The following NXF3 variants were observed in gnomAD, a reference collection of about 807,000 sequenced individuals.
NXF3 encodes TAP-like protein 3.
Under a neutral mutation model 48.4 loss-of-function variants are expected in NXF3, and 34 were observed. That is an observed-to-expected ratio of 0.70 (90% CI 0.53 to 0.93). NXF3 has a LOEUF of 0.93. NXF3 is among the 40% of genes least tolerant of loss of function. The probability of loss-of-function intolerance (pLI) is 0.00; values close to 1 mark genes in which losing one functional copy is unlikely to be tolerated. For synonymous variants in NXF3, 132 were observed against 145.7 expected, an observed-to-expected ratio of 0.91 and a Z score of 0.68; for missense variants, 359 against 406.1, an observed-to-expected ratio of 0.88 and a Z score of 1.00.
chrX:103,077,705 CTGGTATCCCGCACAAAGAGCT>C lies in NXF3; in HGVS notation c.1472_1492del (p.Lys491_Thr497del). ...CAAGGCACTCTGGGTCCCTTGGTGG[CTGGTATCCCGCACAAAGAGCT>C]TGTCATTCACGATGCACAGACTGGA... On this transcript the variant is annotated inframe_deletion, in exon 18 of 20. Coordinates refer to ENST00000395065, the MANE Select transcript of NXF3 (RefSeq NM_022052.2). 1 of 1,211,150 alleles carries C rather than the reference CTGGTATCCCGCACAAAGAGCT, an allele frequency of 8.3e-7. No homozygotes were observed. The highest frequency in any genetic ancestry group is 1.1e-6 in the Non-Finnish European group (1 of 895,067).
At chrX:103,088,638 A>G in intron 1 of NXF3, 2 of 948,656 alleles carry the variant, frequency 2.1e-6, no homozygotes, top group South Asian at 4.5e-5. Context: ...CTCTGTGACA[A>G]ATGTGAGAAG....
At chrX:103,088,263 A>C (rs1404907324) in intron 1 of NXF3, 2 of 605,530 alleles carry the variant, frequency 3.3e-6, no homozygotes, top group Non-Finnish European at 5.2e-6. Flanking sequence ...GATCCTAGAA[A>C]AAAGTATTTA....
Position 103,083,432 on chromosome X carries a change from A to G in NXF3, c.506T>C (p.Val169Ala). 1 of 1,210,697 alleles carries G rather than the reference A, an allele frequency of 8.3e-7. No individual in the cohort carries two copies. Among genetic ancestry groups the G allele is most frequent in the Non-Finnish European group, 1.1e-6 (1 of 894,590 alleles). The change falls in exon 5 of 20, where the codon GTC becomes GCC. Residue 169 changes from valine (V) to alanine (A), a missense_variant. Val to Ala is a moderately conservative substitution (Grantham distance 64). Transcript: ENST00000395065. Reference protein sequence around the residue: ...NASIAYALKNVSGKIWDEDNE... With the variant: ...NASIAYALKNASGKIWDEDNE... The stretch of plus-strand genomic sequence containing the variant: ...ATCCTCATCCCAAATCTTGCCACTG[A>G]CATTCTTCAGTGCATAGGCGATGCT...
chrX:103,082,682 G>A, intron 8 of NXF3, 78 bp downstream of exon 8: 1 of 829,237 alleles, frequency 1.2e-6, no homozygotes, highest in Non-Finnish European at 1.8e-6. Flanking sequence ...CCCAACAGGG[G>A]ATATCTTAGA....
chrX:103,092,569 T>A (rs1395496947), intron 1 of NXF3, among the ~76,000 whole-genome samples: 1 of 112,488 alleles, frequency 8.9e-6, no homozygotes, highest in African/African-American at 3.2e-5. Flanking sequence ...GCATGAGTAA[T>A]AAGTTTGCTT....
At chrX:103,079,069 G>C (rs1465575959) in intron 16 of NXF3, 152 bp downstream of exon 16, 20 of 607,397 alleles carry the variant, frequency 3.3e-5, no homozygotes, top group Non-Finnish European at 5.0e-5. Flanking sequence ...AGATCAGGGT[G>C]GTTTGTGGGC....
At chrX:103,089,928 C>T (rs755771152) in intron 1 of NXF3, among the ~76,000 whole-genome samples, 41 of 107,502 alleles carry the variant, frequency 3.8e-4, no homozygotes, top group African/African-American at 1.2e-3. Flanking sequence ...TTTTTCCCAG[C>T]GAGTGACATC....
intron 1 of NXF3, chrX:103,088,389 T>TAAA: frequency 1.7e-5 from 9 of 527,963 alleles, no homozygotes; most frequent in Admixed American, 1.2e-4. Context: ...CAATTGGCAA[T>TAAA]AAAAAAAAAC....
chrX:103,088,671 T>G, intron 1 of NXF3: 1 of 938,895 alleles, frequency 1.1e-6, no homozygotes, highest in Non-Finnish European at 1.5e-6. Context: ...GTATCCAAAC[T>G]AAAAAGACAC....
chrX:103,080,042 C>T lies in NXF3; in HGVS notation c.1023G>A (p.Leu341=), dbSNP rs145707749. 2 of 1,211,560 alleles carry T rather than the reference C, an allele frequency of 1.7e-6. No homozygotes were observed. Among genetic ancestry groups the T allele is most frequent in the South Asian group, 1.8e-5 (1 of 56,965 alleles). Residue 341 remains leucine (L), a synonymous_variant, in exon 12 of 20, where the codon TTG becomes TTA. Transcript: ENST00000395065. The stretch of plus-strand genomic sequence containing the variant: ...GCAGGAATTGCAGGACCAGATTCTT[C>T]AACATCTCAGATCCAAAGAAGCTTC... ...CKGSFFGSEM[L]KNLVLQFLQQ...
chrX:103,077,129 T>A (rs1921888713), intron 18 of NXF3, among the ~76,000 whole-genome samples: 1 of 111,068 alleles, frequency 9.0e-6, no homozygotes, highest in Non-Finnish European at 1.9e-5. Flanking sequence ...TACAGTATGA[T>A]ACTGAGTGAA....
intron 1 of NXF3, 21 bp from the exon 2 acceptor site, chrX:103,084,904 T>A (rs1172869689): frequency 8.5e-7 from 1 of 1,181,169 alleles, no homozygotes; most frequent in South Asian, 1.8e-5. Flanking sequence ...GAACAGCACA[T>A]CAACACTTAG....
chrX:103,076,174 G>A (rs746580898), intron 19 of NXF3, 67 bp downstream of exon 19: 20 of 797,568 alleles, frequency 2.5e-5, no homozygotes, highest in South Asian at 2.3e-4. Flanking sequence ...CAGCAGAACC[G>A]GAAGCCCAAG....
At chrX:103,088,733 A>C in intron 1 of NXF3, 1 of 1,068,816 alleles carries the variant, frequency 9.4e-7, no homozygotes, top group South Asian at 2.2e-5. Context: ...TTTGTAGGAA[A>C]TCTTTTAGAC....
chrX:103,078,483 GAGGACTGC>G (rs370012486), intron 17 of NXF3, 69 bp downstream of exon 17: 10 of 1,184,606 alleles, frequency 8.4e-6, no homozygotes, highest in Middle Eastern at 2.3e-4. Flanking sequence ...AGAACACCCC[GAGGACTGC>G]ACCACCACAT....
chrX:103,089,125 A>G, intron 1 of NXF3: 1 of 846,799 alleles, frequency 1.2e-6, no homozygotes, highest in Admixed American at 2.2e-5. Flanking sequence ...TCTATACTGG[A>G]AAAACACTAA....
At chrX:103,083,878 C>T (rs1203655487) in intron 3 of NXF3, among the ~76,000 whole-genome samples, 186 bp from the exon 4 acceptor site, 2 of 111,899 alleles carry the variant, frequency 1.8e-5, no homozygotes, top group African/African-American at 3.3e-5. Flanking sequence ...TTATTTCTAA[C>T]CAAACATGGA....
intron 17 of NXF3, among the ~76,000 whole-genome samples, chrX:103,078,318 G>A (rs970894267): frequency 5.4e-5 from 6 of 111,698 alleles, no homozygotes; most frequent in Non-Finnish European, 1.1e-4. Context: ...TAGAGACAGG[G>A]TCTCACTGTG....
At chrX:103,090,852 C>A (rs1470390396) in intron 1 of NXF3, among the ~76,000 whole-genome samples, 1 of 111,829 alleles carries the variant, frequency 8.9e-6, no homozygotes, top group East Asian at 2.8e-4. Flanking sequence ...CCAACAAAAA[C>A]AGAGGAGAAT....
Sources: allele counts gnomAD v4.1 joint callset (sites outside exome capture counted in the v4.1 genomes callset), GRCh38; gene constraint gnomAD v4.1.1; transcripts MANE v1.5; gene names NCBI Gene and HGNC (gene_info 2026-07-23, HGNC 2026-07-21).